HRH2: variants seen among roughly 807,000 people sequenced by gnomAD.
The protein encoded by HRH2 is histamine receptor H2.
HRH2 carries 4 observed loss-of-function variants against 20.1 expected under a neutral mutation model. That is an observed-to-expected ratio of 0.20 (90% CI 0.10 to 0.45). The LOEUF (loss-of-function observed/expected upper bound fraction) is 0.45, where lower values mean the gene tolerates loss of function less well. Among genes scored for constraint, HRH2 ranks in the 20% least tolerant of loss-of-function variants. The pLI is 0.99. For missense variants in HRH2, 250 were observed against 461.6 expected, an observed-to-expected ratio of 0.54 and a Z score of 4.20; for synonymous variants, 197 against 200.7, an observed-to-expected ratio of 0.98 and a Z score of 0.16.
intron 2 of HRH2, among the ~76,000 whole-genome samples, chr5:175,690,690 A>C (rs568049574): frequency 6.6e-6 from 1 of 152,236 alleles, no homozygotes; most frequent in South Asian, 2.1e-4. Context: ...CCACAATCAC[A>C]ATCCGTTTTA....
chr5:175,660,079 C>T (rs923497770), intron 1 of HRH2, among the ~76,000 whole-genome samples: 1 of 152,188 alleles, frequency 6.6e-6, no homozygotes, highest in Non-Finnish European at 1.5e-5. Context: ...TACTGACCCT[C>T]CCAGGCGATG....
At chr5:175,674,124 C>T (rs1224481758) in intron 1 of HRH2, among the ~76,000 whole-genome samples, 1 of 152,198 alleles carries the variant, frequency 6.6e-6, no homozygotes, top group Non-Finnish European at 1.5e-5. Context: ...TGGCAGAGGC[C>T]AAGCAAATGG....
In HRH2 at chr5:175,660,889, T is replaced by TCTCCTC. The variant is rs547212986; in HGVS notation, c.-526+2736_-526+2737insCCTCCT. Among the ~76,000 whole-genome samples, 446 of 152,288 alleles carry TCTCCTC rather than the reference T, an allele frequency of 2.9e-3. 4 individuals carry two copies. The highest frequency in any genetic ancestry group is 0.01 in the African/African-American group (428 of 41,550). ...CCTATTGTCAATTTGGTAATACAGATCTGAGACTACTCCTCCCCTGCTCAA... is the reference window on the plus strand; with the variant it reads ...CCTATTGTCAATTTGGTAATACAGATCTCCTCCTGAGACTACTCCTCCCCTGCTCAA... On this transcript the variant is annotated intron_variant, in intron 1 of 2. Coordinates refer to ENST00000636584, the MANE Select transcript of HRH2 (RefSeq NM_001367711.1).
chr5:175,675,903 A>G (rs142273715), intron 1 of HRH2, among the ~76,000 whole-genome samples: 65 of 152,354 alleles, frequency 4.3e-4, no homozygotes, highest in African/African-American at 1.5e-3. Context: ...ATCCTGTCCC[A>G]GCTCCCATTT....
intron 1 of HRH2, among the ~76,000 whole-genome samples, chr5:175,668,345 G>C (rs916402300): frequency 6.6e-6 from 1 of 152,142 alleles, no homozygotes; most frequent in Admixed American, 6.5e-5. Context: ...GGGACTGCAG[G>C]GATTTCCTTC....
chr5:175,684,537 G>C (rs1561731525), intron 2 of HRH2, among the ~76,000 whole-genome samples: 1 of 152,230 alleles, frequency 6.6e-6, no homozygotes, highest in East Asian at 1.9e-4. Context: ...ACTTGGCAAG[G>C]GCCGCACAGC....
chr5:175,689,578 G>C (rs117922462), intron 2 of HRH2, among the ~76,000 whole-genome samples: 2 of 152,338 alleles, frequency 1.3e-5, no homozygotes, highest in East Asian at 1.9e-4. Flanking sequence ...ATCTGTAAGA[G>C]GGAAGTTCCA....
rs976674180 is a variant in HRH2, at chr5:175,687,023, G to C, written c.1076+2714G>C. Among the ~76,000 whole-genome samples, 10 of 152,120 alleles carry C rather than the reference G, an allele frequency of 6.6e-5. No individual in the cohort carries two copies. The highest frequency in any genetic ancestry group is 2.2e-4 in the African/African-American group (9 of 41,432). On this transcript the variant is annotated intron_variant, in intron 2 of 2. Coordinates refer to ENST00000636584, the MANE Select transcript of HRH2 (RefSeq NM_001367711.1). The surrounding 1 kb of genome is among the most constrained non-coding windows in gnomAD (Gnocchi z 5.2). ...CAGCAGAGAGGTGGTGCCTCCCAGGGTCATGCATGCAGCCGTGGAGGCAGG... is the reference window on the plus strand; with the variant it reads ...CAGCAGAGAGGTGGTGCCTCCCAGGCTCATGCATGCAGCCGTGGAGGCAGG...
chr5:175,706,462 C>T (rs1201961198), intron 2 of HRH2, among the ~76,000 whole-genome samples: 1 of 152,178 alleles, frequency 6.6e-6, no homozygotes, highest in Non-Finnish European at 1.5e-5. Context: ...TTTTAGGCCC[C>T]TTAGAAGAAG....
At chr5:175,660,998 C>T (rs1008445219) in intron 1 of HRH2, among the ~76,000 whole-genome samples, 10 of 152,208 alleles carry the variant, frequency 6.6e-5, no homozygotes, top group African/African-American at 2.4e-4. Context: ...GGTTTAGTCT[C>T]TGGCCAGCCT....
Position 175,683,103 on chromosome 5 carries a change from A to AG in HRH2, c.-131_-130insG. ...CCCACCCCCTGGCCAAAAAAAAAAA[A>AG]AAAAAAAAACTGGACACATTTTGGA... is the stretch of plus-strand genomic sequence containing the variant. On this transcript the variant is annotated 5_prime_UTR_variant, in exon 2 of 3. Transcript: ENST00000636584. 1 of 1,255,366 alleles carries AG rather than the reference A, an allele frequency of 8.0e-7. No homozygotes were observed. Among genetic ancestry groups the AG allele is most frequent in the Non-Finnish European group, 1.1e-6 (1 of 919,632 alleles). 77.8% of individuals were successfully genotyped at this position (1,255,366 alleles called of 1,614,324 possible).
intron 2 of HRH2, among the ~76,000 whole-genome samples, chr5:175,692,043 A>G (rs1185690742): frequency 1.3e-5 from 2 of 152,042 alleles, no homozygotes; most frequent in Non-Finnish European, 2.9e-5. Flanking sequence ...GGCCTACACA[A>G]CCGTATGGGG....
rs1007520091 is a variant in HRH2 at position 175,682,936 on chromosome 5, G to C, written c.-298G>C. ...AAGCTAGCTCTTCAGGGGACCGTCTGAGGACTGGAGTTTGATCCATGAACC... is the reference window on the plus strand; with the variant it reads ...AAGCTAGCTCTTCAGGGGACCGTCTCAGGACTGGAGTTTGATCCATGAACC... On this transcript the variant is annotated 5_prime_UTR_variant, in exon 2 of 3. Coordinates refer to ENST00000636584, the MANE Select transcript of HRH2 (RefSeq NM_001367711.1). The C allele has an allele frequency of 5.6e-6, 2 of 358,592 alleles. No homozygotes were observed. The highest frequency in any genetic ancestry group is 8.8e-5 in the Admixed American group (2 of 22,778). 22.2% of individuals were successfully genotyped at this position (358,592 alleles called of 1,614,324 possible).
chr5:175,664,472 A>C, intron 1 of HRH2, among the ~76,000 whole-genome samples: 1 of 152,204 alleles, frequency 6.6e-6, no homozygotes, highest in East Asian at 1.9e-4. Context: ...AAGGGCGTGC[A>C]CAAGGAAACA....
Position 175,693,317 on chromosome 5 carries a change from C to T in HRH2, c.1076+9008C>T, listed in dbSNP as rs916937665. On this transcript the variant is annotated intron_variant, in intron 2 of 2. Coordinates refer to ENST00000636584, the MANE Select transcript of HRH2 (RefSeq NM_001367711.1). This position sits in a 1 kb window ranked among gnomAD's most constrained non-coding sequence, Gnocchi z 4.4. ...TGAGGCTCTCCTGGGGCATAAGGAC[C>T]ATTCCCTCCCCACCCTGCCTGGAGA... is the stretch of plus-strand genomic sequence containing the variant. 1.3e-5 allele frequency among the ~76,000 whole-genome samples: 2 copies of T among 152,172 alleles called. No homozygotes were observed. Among genetic ancestry groups the T allele is most frequent in the Admixed American group, 1.3e-4 (2 of 15,284 alleles).
chr5:175,692,804 G>A (rs1045300657), intron 2 of HRH2, among the ~76,000 whole-genome samples: 16 of 152,300 alleles, frequency 1.1e-4, no homozygotes, highest in African/African-American at 3.4e-4. Context: ...ACTTAACAAC[G>A]GAGAGAGCGT....
At chr5:175,699,749 A>G (rs1756734512) in intron 2 of HRH2, among the ~76,000 whole-genome samples, 1 of 151,860 alleles carries the variant, frequency 6.6e-6, no homozygotes, top group Admixed American at 6.5e-5. Flanking sequence ...AATTTTTTGT[A>G]TGTTTAGTAG....
chr5:175,662,340 G>A (rs923697698), intron 1 of HRH2, among the ~76,000 whole-genome samples: 3 of 152,196 alleles, frequency 2.0e-5, no homozygotes, highest in Non-Finnish European at 4.4e-5. Flanking sequence ...ACTTGGGGAG[G>A]GGGAGTGCTG....
chr5:175,699,666 T>G (rs975169574), intron 2 of HRH2, among the ~76,000 whole-genome samples: 1 of 152,102 alleles, frequency 6.6e-6, no homozygotes, highest in African/African-American at 2.4e-5. Context: ...CTCCGCCTCC[T>G]GGGTTCACGC....
Sources: gnomAD v4.1 joint callset for allele counts (sites outside exome capture counted in the v4.1 genomes callset) on GRCh38, gnomAD v4.1.1 for gene constraint, Gnocchi (gnomAD v3.1) non-coding constraint, MANE v1.5 for transcripts, NCBI Gene and HGNC (gene_info 2026-07-23, HGNC 2026-07-21) for gene names.